Variants in NCAM2 observed in about 807,000 individuals in gnomAD.
NCAM2 encodes the protein N-CAM-2.
Under a neutral mutation model 98.1 loss-of-function variants are expected in NCAM2, and 30 were observed. The ratio of observed to expected loss-of-function variants is 0.31; its 90% CI spans 0.23 to 0.41. The LOEUF is 0.41. Among genes scored for constraint, NCAM2 ranks in the 10% least tolerant of loss-of-function variants. The probability of loss-of-function intolerance (pLI) is 1.00; values close to 1 mark genes in which losing one functional copy is unlikely to be tolerated. For synonymous variants in NCAM2, 368 were observed against 342.4 expected, an observed-to-expected ratio of 1.07 and a Z score of -0.83; for missense variants, 867 against 1,005.8, an observed-to-expected ratio of 0.86 and a Z score of 1.87.
intron 15 of NCAM2, among the ~76,000 whole-genome samples, chr21:21,504,418 C>T (rs1327357948): frequency 7.2e-6 from 1 of 138,724 alleles, no homozygotes; most frequent in Non-Finnish European, 1.5e-5. Context: ...TAAATTATTA[C>T]TTATGCTCAG....
intron 1 of NCAM2, among the ~76,000 whole-genome samples, chr21:21,025,564 A>G (rs1167555887): frequency 1.3e-5 from 2 of 152,210 alleles, no homozygotes; most frequent in African/African-American, 2.4e-5. Flanking sequence ...AATATGAACA[A>G]AATGTATTAA....
intron 1 of NCAM2, among the ~76,000 whole-genome samples, chr21:21,068,397 G>A (rs1411235060): frequency 6.8e-6 from 1 of 147,886 alleles, no homozygotes; most frequent in Non-Finnish European, 1.5e-5. Context: ...GCCTCCCTAA[G>A]TGCTGGGATT....
rs186462890 is a variant in NCAM2, at chr21:21,041,951, T to A, written c.55+43333T>A. 1.2e-4 allele frequency among the ~76,000 whole-genome samples: 19 copies of A among 152,212 alleles called. No homozygotes were observed. The East Asian group carries it at 3.7e-3, about 30-fold the overall frequency. On this transcript the variant is annotated intron_variant, in intron 1 of 17. Transcript: ENST00000400546. ...TTATCTTGTGGCTAAGATGGAGAAA[T>A]ATGGACACAATAACCAATTTGTAAC...
intron 1 of NCAM2, among the ~76,000 whole-genome samples, chr21:21,060,207 G>A (rs759781660): frequency 5.3e-5 from 8 of 151,990 alleles, no homozygotes; most frequent in Non-Finnish European, 7.4e-5. Flanking sequence ...GAAAAAGGTA[G>A]TATTTTGATG....
chr21:21,046,784 A>G (rs2065014002), intron 1 of NCAM2, among the ~76,000 whole-genome samples: 1 of 152,210 alleles, frequency 6.6e-6, no homozygotes, highest in Non-Finnish European at 1.5e-5. Flanking sequence ...AATGTCTGAA[A>G]GGACATGAGC....
At chr21:21,127,698 A>T (rs776855156) in intron 1 of NCAM2, among the ~76,000 whole-genome samples, 64 of 152,142 alleles carry the variant, frequency 4.2e-4, no homozygotes, top group Non-Finnish European at 7.2e-4. Flanking sequence ...CATATGAGTA[A>T]GATGATGTGA....
intron 8 of NCAM2, among the ~76,000 whole-genome samples, chr21:21,362,090 G>A (rs760817001): frequency 2.0e-5 from 3 of 151,420 alleles, no homozygotes; most frequent in African/African-American, 4.8e-5. Context: ...CGAAACCATT[G>A]TTACTTGCCT....
chr21:21,052,093 AT>A (rs1213710030), intron 1 of NCAM2, among the ~76,000 whole-genome samples: 1 of 151,636 alleles, frequency 6.6e-6, no homozygotes, highest in Non-Finnish European at 1.5e-5. Flanking sequence ...ACAGTACAGA[AT>A]TTTTTAACCA....
intron 1 of NCAM2, among the ~76,000 whole-genome samples, chr21:21,101,614 T>G (rs2146490442): frequency 6.6e-6 from 1 of 152,160 alleles, no homozygotes; most frequent in East Asian, 1.9e-4. Context: ...GCCGTACAGA[T>G]AAAAACAGCA....
chr21:21,190,977 C>T (rs867633942), intron 1 of NCAM2, among the ~76,000 whole-genome samples: 16 of 151,996 alleles, frequency 1.1e-4, no homozygotes, highest in East Asian at 3.9e-4. Context: ...GATCAAAGGC[C>T]GTGTATATTT....
intron 1 of NCAM2, among the ~76,000 whole-genome samples, chr21:21,257,522 G>A (rs746781903): frequency 1.3e-5 from 2 of 152,086 alleles, no homozygotes; most frequent in Non-Finnish European, 2.9e-5. Context: ...TAGACAGTAC[G>A]AAAAATAAAC....
intron 4 of NCAM2, among the ~76,000 whole-genome samples, chr21:21,290,735 T>A (rs192748395): frequency 6.6e-6 from 1 of 151,892 alleles, no homozygotes; most frequent in Admixed American, 6.6e-5. Context: ...ACTACAGGCT[T>A]GTCCGTTTAA....
chr21:21,371,892 C>T (rs59169508), intron 8 of NCAM2, among the ~76,000 whole-genome samples: 33,338 of 151,216 alleles, frequency 0.22, 4,006 homozygotes, highest in East Asian at 0.28. Context: ...CACACACACA[C>T]GCTCTGACAC....
intron 1 of NCAM2, among the ~76,000 whole-genome samples, chr21:21,154,672 T>C (rs1300092869): frequency 6.6e-6 from 1 of 151,894 alleles, no homozygotes; most frequent in Non-Finnish European, 1.5e-5. Flanking sequence ...GCCATTTCTG[T>C]GACATTAAAA....
intron 5 of NCAM2, among the ~76,000 whole-genome samples, chr21:21,305,358 A>G (rs2073848975): frequency 6.6e-6 from 1 of 152,042 alleles, no homozygotes. Flanking sequence ...TAATATCACT[A>G]TGAATAAAGA....
chr21:21,119,457 TGTA>T (rs1351605212), intron 1 of NCAM2, among the ~76,000 whole-genome samples: 1 of 152,198 alleles, frequency 6.6e-6, no homozygotes, highest in Non-Finnish European at 1.5e-5. Flanking sequence ...TTAAAAGAAT[TGTA>T]GTATTGTTTC....
rs1369238039 is a variant in NCAM2 at position 21,022,238 on chromosome 21, CAT to C, written c.55+23621_55+23622del. ...AAATACATACTTAAAAAATTAAACT[CAT>C]GTGTTTTTCCTTCTTTATTTAGATT... On this transcript the variant is annotated intron_variant, in intron 1 of 17. Coordinates refer to ENST00000400546, the MANE Select transcript of NCAM2 (RefSeq NM_004540.5). 3.3e-5 allele frequency among the ~76,000 whole-genome samples: 5 copies of C among 152,120 alleles called. No individual in the cohort carries two copies. In the East Asian group the frequency reaches 5.8e-4, roughly 18 times the overall value.
intron 1 of NCAM2, among the ~76,000 whole-genome samples, chr21:21,261,235 G>T (rs2071887719): frequency 1.3e-5 from 2 of 152,042 alleles, no homozygotes; most frequent in African/African-American, 4.8e-5. Context: ...GAGACAGAAA[G>T]CAATACAATA....
At chr21:21,415,556 C>T (rs1444842533) in intron 10 of NCAM2, among the ~76,000 whole-genome samples, 1 of 151,904 alleles carries the variant, frequency 6.6e-6, no homozygotes. Context: ...AGGATGATCT[C>T]GATCTCCTGA....
Sources: allele counts gnomAD v4.1 joint callset (sites outside exome capture counted in the v4.1 genomes callset), GRCh38; gene constraint gnomAD v4.1.1; transcripts MANE v1.5; gene names NCBI Gene and HGNC (gene_info 2026-07-23, HGNC 2026-07-21).